The following DIAPH3 variants were observed in gnomAD, a reference collection of about 807,000 sequenced individuals.
DIAPH3 encodes diaphanous related formin 3, also known as protein diaphanous homolog 3.
In DIAPH3, 117 loss-of-function variants were observed where a neutral mutation model predicts 144.3. That is an observed-to-expected ratio of 0.81 (90% CI 0.70 to 0.95). The LOEUF is 0.95. Ranked by LOEUF, DIAPH3 falls within the 40% of genes least tolerant of loss-of-function variation. The pLI is 0.00. For synonymous variants in DIAPH3, 519 were observed against 488.9 expected (o/e 1.06, Z -0.81); for missense variants, 1,421 against 1,412.7 (o/e 1.01, Z -0.09).
intron 3 of DIAPH3, among the ~76,000 whole-genome samples, chr13:60,107,506 G>A (rs1375722721): frequency 6.6e-6 from 1 of 152,030 alleles, no homozygotes; most frequent in Non-Finnish European, 1.5e-5. Context: ...GTTATACACA[G>A]AAAATTGTTT....
intron 22 of DIAPH3, among the ~76,000 whole-genome samples, chr13:59,843,290 A>G (rs1319005891): frequency 6.6e-6 from 1 of 152,164 alleles, no homozygotes; most frequent in Non-Finnish European, 1.5e-5. Flanking sequence ...GGTGTAAGAG[A>G]AGCACATTTT....
chr13:60,073,258 G>A (rs537406675), intron 4 of DIAPH3, among the ~76,000 whole-genome samples: 12 of 151,910 alleles, frequency 7.9e-5, no homozygotes, highest in East Asian at 1.9e-4. Context: ...GCAGTGAGCC[G>A]AGGCGGCGCC....
intron 21 of DIAPH3, among the ~76,000 whole-genome samples, chr13:59,878,548 A>C (rs186567099): frequency 7.2e-5 from 11 of 152,248 alleles, no homozygotes. Flanking sequence ...TGTTGTAAGC[A>C]GATCAATAAA....
At chr13:59,695,532 G>T (rs2033755480) in intron 27 of DIAPH3, 1 of 152,150 alleles carries the variant, frequency 6.6e-6, no homozygotes, top group African/African-American at 2.4e-5. Context: ...ACAAATATTA[G>T]TTCTATTAAA....
At chr13:59,975,789 CAAAAACTAATAGGT>C (rs2047003810) in intron 14 of DIAPH3, among the ~76,000 whole-genome samples, 1 of 151,936 alleles carries the variant, frequency 6.6e-6, no homozygotes, top group South Asian at 2.1e-4. Flanking sequence ...ATTAAAATAA[CAAAAACTAATAGGT>C]AAAAACTGTC....
chr13:59,928,435 T>A (rs1481583463), intron 17 of DIAPH3, among the ~76,000 whole-genome samples: 5 of 152,202 alleles, frequency 3.3e-5, no homozygotes, highest in African/African-American at 1.2e-4. Context: ...CTTTGAGGTA[T>A]CATGTTTCCT....
chr13:59,758,416 C>A (rs192547306), intron 27 of DIAPH3, among the ~76,000 whole-genome samples: 2 of 152,234 alleles, frequency 1.3e-5, no homozygotes, highest in East Asian at 3.9e-4. Context: ...ACAAAGTGTA[C>A]AATCCTATTT....
chr13:59,850,657 C>G (rs2042911763), intron 22 of DIAPH3, among the ~76,000 whole-genome samples: 1 of 151,872 alleles, frequency 6.6e-6, no homozygotes, highest in Non-Finnish European at 1.5e-5. Flanking sequence ...GCCTTGCATC[C>G]CAGGGATGAA....
At chr13:59,834,244 C>G (rs1351643839) in intron 23 of DIAPH3, among the ~76,000 whole-genome samples, 1 of 151,476 alleles carries the variant, frequency 6.6e-6, no homozygotes, top group Non-Finnish European at 1.5e-5. Context: ...ATCACTATAC[C>G]ATATCCAGAA....
intron 20 of DIAPH3, among the ~76,000 whole-genome samples, chr13:59,898,134 C>CAAAAAAAAAAAAAAAAAAAAA (rs34238599): frequency 2.8e-5 from 2 of 72,196 alleles, no homozygotes; most frequent in Non-Finnish European, 4.8e-5. Context: ...GACTCTGCCT[C>CAAAAAAAAAAAAAAAAAAAAA]AAAAAAAAAA....
At chr13:60,126,530 C>T (rs1352985577) in intron 2 of DIAPH3, among the ~76,000 whole-genome samples, 1 of 152,208 alleles carries the variant, frequency 6.6e-6, no homozygotes, top group Non-Finnish European at 1.5e-5. Flanking sequence ...GACTTCGATA[C>T]TTCTCTCAAT....
At chr13:59,989,639 T>G (rs899525191) in intron 12 of DIAPH3, among the ~76,000 whole-genome samples, 4 of 151,964 alleles carry the variant, frequency 2.6e-5, no homozygotes, top group Non-Finnish European at 4.4e-5. Context: ...TATGCCTTAA[T>G]GTCATTTTGG....
chr13:60,100,034 T>C (rs2058226674), intron 3 of DIAPH3, among the ~76,000 whole-genome samples: 1 of 151,244 alleles, frequency 6.6e-6, no homozygotes. Flanking sequence ...TAGAACAATT[T>C]GAAAAATAAA....
chr13:59,696,108 T>C (rs976277993), intron 27 of DIAPH3: 2 of 152,190 alleles, frequency 1.3e-5, no homozygotes, highest in African/African-American at 2.4e-5. Flanking sequence ...TCCATTTTAC[T>C]GCACCCAATC....
intron 20 of DIAPH3, among the ~76,000 whole-genome samples, chr13:59,884,019 T>C (rs2045266116): frequency 6.6e-6 from 1 of 152,138 alleles, no homozygotes; most frequent in African/African-American, 2.4e-5. Context: ...GGCTGCATAG[T>C]AGGAGGTGAG....
At chr13:59,766,211 T>C (rs945322918) in intron 27 of DIAPH3, among the ~76,000 whole-genome samples, 46 of 152,174 alleles carry the variant, frequency 3.0e-4, no homozygotes, top group African/African-American at 1.1e-3. Context: ...TGGGGATCAT[T>C]TGCCCTTTTT....
chr13:59,881,861 A>T (rs1179271464), intron 20 of DIAPH3, among the ~76,000 whole-genome samples: 1 of 152,184 alleles, frequency 6.6e-6, no homozygotes, highest in Non-Finnish European at 1.5e-5. Flanking sequence ...CCAAGTTTAG[A>T]TAAATCAGTA....
chr13:60,146,252 C>G, intron 1 of DIAPH3, among the ~76,000 whole-genome samples: 1 of 152,178 alleles, frequency 6.6e-6, no homozygotes, highest in Non-Finnish European at 1.5e-5. Context: ...ATCTAAGTTA[C>G]CAGGCCACCA....
intron 3 of DIAPH3, among the ~76,000 whole-genome samples, chr13:60,094,984 C>T (rs539429269): frequency 6.6e-6 from 1 of 152,122 alleles, no homozygotes; most frequent in Non-Finnish European, 1.5e-5. Context: ...CTCAATAGGC[C>T]TTAATATGAC....
Sources: allele counts gnomAD v4.1 joint callset (sites outside exome capture counted in the v4.1 genomes callset), GRCh38; gene constraint gnomAD v4.1.1; transcripts MANE v1.5; gene names NCBI Gene and HGNC (gene_info 2026-07-23, HGNC 2026-07-21).